Variants in PRICKLE1 observed in about 807,000 individuals in gnomAD.
PRICKLE1 encodes the protein prickle-like protein 1.
PRICKLE1 carries 14 observed loss-of-function variants against 70.2 expected under a neutral mutation model. That is an observed-to-expected ratio of 0.20 (90% CI 0.13 to 0.31). The LOEUF (loss-of-function observed/expected upper bound fraction) is 0.31, where lower values mean the gene tolerates loss of function less well. Among genes scored for constraint, PRICKLE1 ranks in the 10% least tolerant of loss-of-function variants. The pLI is 1.00. For missense variants in PRICKLE1, 821 were observed against 1,026.2 expected (o/e 0.80, Z 2.73); for synonymous variants, 357 against 379.9 (o/e 0.94, Z 0.70).
At position 42,460,260 on chromosome 12, in the gene PRICKLE1, C is replaced by T. The variant is rs189093086; in HGVS notation, c.2045G>A (p.Arg682His). 3.8e-5 allele frequency: 61 copies of T among 1,614,078 alleles called. No homozygotes were observed. Among genetic ancestry groups the T allele is most frequent in the Non-Finnish European group, 4.7e-5 (56 of 1,180,032 alleles). The stretch of plus-strand genomic sequence containing the variant: ...AACAAGATTCAGGGCATTGTCGGAG[C>T]GGGACTTTCTACTTCTCCGGCGGCG... ...HHRRRRSRKS[R>H]SDNALNLVTE... The change falls in exon 8 of 8, where the codon CGC becomes CAC. Residue 682 changes from arginine to histidine, a missense_variant. By Grantham distance (29) the Arg-to-His change is conservative. Coordinates refer to ENST00000345127, the MANE Select transcript of PRICKLE1 (RefSeq NM_153026.3).
At chr12:42,555,089 G>A (rs1406749021) in intron 1 of PRICKLE1, among the ~76,000 whole-genome samples, 2 of 152,056 alleles carry the variant, frequency 1.3e-5, no homozygotes, top group Non-Finnish European at 2.9e-5. Context: ...GATCACCTGA[G>A]GTCAGGAGCT....
In PRICKLE1 at chr12:42,460,335, C is replaced by T. The variant is rs1566076344; in HGVS notation, c.1970G>A (p.Arg657Gln). Reference protein sequence around the residue: ...IRQPPMSERTRRRVYNFEERG... With the variant: ...IRQPPMSERTQRRVYNFEERG... ...CTCTTCAAAATTGTAGACGCGTCTCCGAGTCCTTTCACTCATCGGAGGCTG... is the reference window on the plus strand; with the variant it reads ...CTCTTCAAAATTGTAGACGCGTCTCTGAGTCCTTTCACTCATCGGAGGCTG... The change falls in exon 8 of 8, where the codon CGG becomes CAG. Residue 657 changes from arginine to glutamine, a missense_variant. Transcript: ENST00000345127. 1.7e-5 allele frequency: 28 copies of T among 1,614,080 alleles called. No homozygotes were observed. Among genetic ancestry groups the T allele is most frequent in the Middle Eastern group, 1.6e-4 (1 of 6,062 alleles).
At chr12:42,566,493 C>T (rs1000013176) in intron 1 of PRICKLE1, among the ~76,000 whole-genome samples, 6 of 152,072 alleles carry the variant, frequency 3.9e-5, no homozygotes, top group African/African-American at 1.4e-4. Flanking sequence ...GTGGACCAGA[C>T]CTGCGTAAGA....
rs561240990 is a variant in PRICKLE1, at chr12:42,468,767, C to T, written c.447G>A (p.Val149=). 27 of 1,614,172 alleles carry T rather than the reference C, an allele frequency of 1.7e-5. No individual in the cohort carries two copies. In the South Asian group the frequency reaches 2.1e-4, roughly 12 times the overall value. Reference sequence around the variant, plus strand: ...AGACAAAACAGGATGGGTGCCAGCACACACCAGGGCCCGCACGGGAGGCGA... The same window carrying T: ...AGACAAAACAGGATGGGTGCCAGCATACACCAGGGCCCGCACGGGAGGCGA... The part of the protein sequence containing the change: ...AVFASRAGPG[V]CWHPSCFVCF... Residue 149 remains valine, a synonymous_variant, in exon 5 of 8, where the codon GTG becomes GTA. Coordinates refer to ENST00000345127, the MANE Select transcript of PRICKLE1 (RefSeq NM_153026.3).
intron 1 of PRICKLE1, among the ~76,000 whole-genome samples, chr12:42,545,092 C>A (rs1940184105): frequency 6.6e-6 from 1 of 152,034 alleles, no homozygotes; most frequent in African/African-American, 2.4e-5. Context: ...CAGCCTCAAC[C>A]TCCTGGGCTC....
At chr12:42,515,126 G>C (rs1250012259) in intron 1 of PRICKLE1, among the ~76,000 whole-genome samples, 1 of 151,662 alleles carries the variant, frequency 6.6e-6, no homozygotes, top group East Asian at 1.9e-4. Flanking sequence ...CATCATGTTG[G>C]GCGGGCTAGT....
intron 1 of PRICKLE1, among the ~76,000 whole-genome samples, chr12:42,555,029 G>A (rs142347282): frequency 1.7e-4 from 26 of 152,222 alleles, no homozygotes; most frequent in African/African-American, 3.4e-4. Flanking sequence ...CAGGCCGGGC[G>A]CAGTGGCTCA....
At chr12:42,501,309 C>A (rs1447562951) in intron 1 of PRICKLE1, among the ~76,000 whole-genome samples, 2 of 151,918 alleles carry the variant, frequency 1.3e-5, no homozygotes, top group Non-Finnish European at 2.9e-5. Flanking sequence ...TTGAGACCAT[C>A]CTGGCCAACA....
chr12:42,525,870 T>C (rs1432634381), intron 1 of PRICKLE1, among the ~76,000 whole-genome samples: 3 of 152,190 alleles, frequency 2.0e-5, no homozygotes, highest in Non-Finnish European at 4.4e-5. Context: ...AGCACCATGT[T>C]TGCCACATAC....
At chr12:42,560,497 T>C (rs1385305490) in intron 1 of PRICKLE1, among the ~76,000 whole-genome samples, 1 of 141,232 alleles carries the variant, frequency 7.1e-6, no homozygotes, top group Non-Finnish European at 1.5e-5. Flanking sequence ...CCATTTCTAT[T>C]ATCTGGGACT....
rs1432370336 is a variant in PRICKLE1, at chr12:42,457,934, T to C, written c.*1875A>G. ...TCTGACTTTTGCCCTATTTGAATTT[T>C]TTTGTCATGTGTATGCACTTCCTTT... On this transcript the variant is annotated 3_prime_UTR_variant, in exon 8 of 8. Transcript: ENST00000345127. 6.6e-6 allele frequency: 1 copy of C among 152,218 alleles called. No homozygotes were observed. The highest frequency in any genetic ancestry group is 1.5e-5 in the Non-Finnish European group (1 of 68,054). The allele number at this position is 152,218 out of a possible 1,614,324, so 9.4% of individuals were successfully genotyped here.
At chr12:42,491,757 T>G (rs1035527799) in intron 1 of PRICKLE1, among the ~76,000 whole-genome samples, 2 of 151,454 alleles carry the variant, frequency 1.3e-5, no homozygotes, top group Non-Finnish European at 2.9e-5. Flanking sequence ...TACAAAACTT[T>G]GAAATAATAG....
At chr12:42,500,335 C>T (rs1939282885) in intron 1 of PRICKLE1, among the ~76,000 whole-genome samples, 1 of 152,164 alleles carries the variant, frequency 6.6e-6, no homozygotes, top group Non-Finnish European at 1.5e-5. Flanking sequence ...CAAAACTAGC[C>T]TGTATTTGAA....
chr12:42,551,436 G>T (rs545354247), intron 1 of PRICKLE1, among the ~76,000 whole-genome samples: 3 of 151,182 alleles, frequency 2.0e-5, no homozygotes, highest in South Asian at 4.2e-4. Context: ...ATCAGTCAAA[G>T]CTCCCAGTAA....
intron 1 of PRICKLE1, among the ~76,000 whole-genome samples, chr12:42,515,508 C>T (rs1361218829): frequency 6.6e-6 from 1 of 152,194 alleles, no homozygotes; most frequent in Non-Finnish European, 1.5e-5. Context: ...CTGGGGATTA[C>T]AGACGTGAGC....
chr12:42,486,544 C>A (rs1938993414), intron 1 of PRICKLE1, among the ~76,000 whole-genome samples: 1 of 152,182 alleles, frequency 6.6e-6, no homozygotes, highest in Non-Finnish European at 1.5e-5. Context: ...ATGCCAAAGG[C>A]AGAGAAATAA....
intron 1 of PRICKLE1, among the ~76,000 whole-genome samples, chr12:42,527,945 ATATATATATATATATATATATATATATC>A (rs1240778157): frequency 0.087 from 7,801 of 89,266 alleles, 811 homozygotes; most frequent in Admixed American, 0.23. Context: ...ATATATATAT[ATATATATATATATATATATATATATATC>A]TCCAAAGTTT....
intron 1 of PRICKLE1, among the ~76,000 whole-genome samples, chr12:42,506,668 C>T (rs1441021481): frequency 2.1e-5 from 3 of 143,912 alleles, no homozygotes; most frequent in Non-Finnish European, 3.0e-5. Context: ...CTCTGCCTCC[C>T]GGGTTCAAGC....
intron 1 of PRICKLE1, among the ~76,000 whole-genome samples, chr12:42,568,224 G>A (rs1940653881): frequency 6.6e-6 from 1 of 152,140 alleles, no homozygotes; most frequent in African/African-American, 2.4e-5. Context: ...GCCCAGGCTG[G>A]AGCACAGTGG....
Sources: gnomAD v4.1 joint callset for allele counts (sites outside exome capture counted in the v4.1 genomes callset) on GRCh38, gnomAD v4.1.1 for gene constraint, MANE v1.5 for transcripts, NCBI Gene and HGNC (gene_info 2026-07-23, HGNC 2026-07-21) for gene names.